Variants in UNC5C observed in about 807,000 individuals in gnomAD.
The protein encoded by UNC5C is unc-5 netrin receptor C, also known as netrin receptor UNC5C.
In UNC5C, 47 loss-of-function variants were observed where a neutral mutation model predicts 99.8. The observed-to-expected ratio is 0.47, with a 90% CI of 0.37 to 0.60. The LOEUF (loss-of-function observed/expected upper bound fraction) is 0.60. UNC5C is among the 20% of genes least tolerant of loss of function. The pLI, the probability that UNC5C is intolerant of heterozygous loss-of-function variation, is 0.00. For missense variants in UNC5C, 1,062 were observed against 1,165.9 expected, an observed-to-expected ratio of 0.91 and a Z score of 1.30; for synonymous variants, 487 against 452.2, an observed-to-expected ratio of 1.08 and a Z score of -0.98.
chr4:95,389,846 T>C (rs1318383812), intron 1 of UNC5C, among the ~76,000 whole-genome samples: 2 of 152,118 alleles, frequency 1.3e-5, no homozygotes, highest in Non-Finnish European at 2.9e-5. Flanking sequence ...CATGTTGAAA[T>C]ATTTTAGACA....
At chr4:95,351,068 C>T (rs563296186) in intron 1 of UNC5C, among the ~76,000 whole-genome samples, 4 of 152,218 alleles carry the variant, frequency 2.6e-5, no homozygotes, top group South Asian at 2.1e-4. Context: ...TTCTCCTCCC[C>T]GCAATGTCAT....
At chr4:95,189,578 T>C (rs1202893270) in intron 12 of UNC5C, among the ~76,000 whole-genome samples, 1 of 152,210 alleles carries the variant, frequency 6.6e-6, no homozygotes, top group Admixed American at 6.5e-5. Context: ...AGAAAATTTT[T>C]GCAATCTACT....
intron 4 of UNC5C, among the ~76,000 whole-genome samples, chr4:95,256,817 A>G (rs895361062): frequency 6.6e-6 from 1 of 151,328 alleles, no homozygotes; most frequent in African/African-American, 2.4e-5. Context: ...TCCCAAAACT[A>G]AAGAGTTTGG....
chr4:95,288,059 A>G (rs910051952), intron 3 of UNC5C, among the ~76,000 whole-genome samples: 6 of 73,082 alleles, frequency 8.2e-5, no homozygotes, highest in African/African-American at 3.2e-4. Context: ...CCCTCACTTT[A>G]CAGATTATTT....
intron 1 of UNC5C, among the ~76,000 whole-genome samples, chr4:95,395,902 G>A (rs1288117162): frequency 6.6e-6 from 1 of 152,184 alleles, no homozygotes; most frequent in Non-Finnish European, 1.5e-5. Flanking sequence ...CATGAAGACT[G>A]GCCTGTTGGC....
intron 4 of UNC5C, among the ~76,000 whole-genome samples, chr4:95,260,152 C>G (rs930282490): frequency 6.6e-6 from 1 of 152,128 alleles, no homozygotes; most frequent in African/African-American, 2.4e-5. Flanking sequence ...TCATGGGACT[C>G]AAAATTCTGT....
chr4:95,532,003 C>T (rs1436615129), intron 1 of UNC5C, among the ~76,000 whole-genome samples: 2 of 152,204 alleles, frequency 1.3e-5, no homozygotes, highest in Non-Finnish European at 2.9e-5. Context: ...TGCTGTTTGA[C>T]TTGTACACCT....
At chr4:95,508,769 A>G (rs1200338758) in intron 1 of UNC5C, among the ~76,000 whole-genome samples, 3 of 151,932 alleles carry the variant, frequency 2.0e-5, no homozygotes, top group Non-Finnish European at 4.4e-5. Context: ...GTTATAACCC[A>G]TCTTGGAGAT....
chr4:95,271,909 A>G (rs1290726800), intron 4 of UNC5C, among the ~76,000 whole-genome samples: 1 of 152,120 alleles, frequency 6.6e-6, no homozygotes, highest in East Asian at 1.9e-4. Flanking sequence ...TCTCAGACAC[A>G]CTGGCCTCCT....
intron 1 of UNC5C, among the ~76,000 whole-genome samples, chr4:95,393,203 C>G (rs1745411753): frequency 6.6e-6 from 1 of 152,188 alleles, no homozygotes; most frequent in Non-Finnish European, 1.5e-5. Context: ...CAGAAGGAAT[C>G]TAAAAGCCAT....
intron 1 of UNC5C, among the ~76,000 whole-genome samples, chr4:95,444,545 A>G (rs1197188800): frequency 6.6e-6 from 1 of 151,854 alleles, no homozygotes; most frequent in Non-Finnish European, 1.5e-5. Flanking sequence ...GTTAGCCAGG[A>G]TGGTCTCGAT....
chr4:95,250,584 T>C lies in UNC5C; in HGVS notation c.678A>G (p.Ile226Met). The C allele has an allele frequency of 6.2e-7, 1 of 1,614,064 alleles. No individual in the cohort carries two copies. Among genetic ancestry groups the C allele is most frequent in the Non-Finnish European group, 8.5e-7 (1 of 1,179,986 alleles). ...CAGTATCAGAGAGTCGGGCCTGCTT[T>C]ATGATGAGGTTGTGATCAATAGTAA... Reference protein sequence around the residue: ...FYITIDHNLIIKQARLSDTAN... With the variant: ...FYITIDHNLIMKQARLSDTAN... The change falls in exon 5 of 16, where the codon ATA becomes ATG. Residue 226 changes from isoleucine to methionine, a missense_variant. This residue lies in a region of UNC5C where 249 missense variants were observed against 295.1 expected (regional missense o/e 0.84). Coordinates refer to ENST00000453304, the MANE Select transcript of UNC5C (RefSeq NM_003728.4).
intron 2 of UNC5C, among the ~76,000 whole-genome samples, chr4:95,331,103 G>A (rs1381326207): frequency 6.6e-6 from 1 of 152,042 alleles, no homozygotes; most frequent in East Asian, 1.9e-4. Context: ...CTTCACTTAA[G>A]ATAATGGCTT....
At chr4:95,298,146 C>T (rs911653054) in intron 3 of UNC5C, among the ~76,000 whole-genome samples, 2 of 152,008 alleles carry the variant, frequency 1.3e-5, no homozygotes, top group African/African-American at 4.8e-5. Flanking sequence ...TACATCCCTA[C>T]AAAAAAATGC....
At chr4:95,360,081 C>A (rs985950799) in intron 1 of UNC5C, among the ~76,000 whole-genome samples, 1 of 152,082 alleles carries the variant, frequency 6.6e-6, no homozygotes, top group Non-Finnish European at 1.5e-5. Context: ...ATAATAAACT[C>A]TGTGGAGTTT....
At chr4:95,428,680 C>G (rs576479960) in intron 1 of UNC5C, among the ~76,000 whole-genome samples, 2 of 152,190 alleles carry the variant, frequency 1.3e-5, no homozygotes, top group East Asian at 3.9e-4. Context: ...TTCACAGAAT[C>G]CCTTTAAGAA....
At chr4:95,424,518 C>CTTTTCTTT (rs1200746093) in intron 1 of UNC5C, among the ~76,000 whole-genome samples, 43 of 67,966 alleles carry the variant, frequency 6.3e-4, no homozygotes, top group African/African-American at 2.5e-3. Flanking sequence ...TTTTTCTTTT[C>CTTTTCTTT]TTTTTTTTTT....
chr4:95,364,619 C>T (rs2149436251), intron 1 of UNC5C, among the ~76,000 whole-genome samples: 1 of 152,266 alleles, frequency 6.6e-6, no homozygotes, highest in East Asian at 1.9e-4. Flanking sequence ...AGCCCAGGCT[C>T]AAAGGCCGGG....
intron 1 of UNC5C, among the ~76,000 whole-genome samples, chr4:95,337,861 T>G (rs1002331801): frequency 1.3e-5 from 2 of 152,080 alleles, no homozygotes; most frequent in Admixed American, 1.3e-4. Flanking sequence ...TTCTGCAGAA[T>G]CAATCGTTAA....
Sources: allele counts gnomAD v4.1 joint callset (sites outside exome capture counted in the v4.1 genomes callset), GRCh38; gene constraint gnomAD v4.1.1; regional missense constraint gnomAD v4.1.1; transcripts MANE v1.5; gene names NCBI Gene and HGNC (gene_info 2026-07-23, HGNC 2026-07-21).